SPATC1: variants seen among roughly 807,000 people sequenced by gnomAD.
The protein encoded by SPATC1 is spermatogenesis and centriole associated 1, also known as speriolin.
Under a neutral mutation model 36.5 loss-of-function variants are expected in SPATC1, and 35 were observed. The ratio of observed to expected loss-of-function variants is 0.96; its 90% CI spans 0.73 to 1.27. The LOEUF (loss-of-function observed/expected upper bound fraction) is 1.27. Among genes scored for constraint, SPATC1 ranks in the 50% most tolerant of loss-of-function variants. The probability of loss-of-function intolerance (pLI) is 0.00; values close to 1 mark genes in which losing one functional copy is unlikely to be tolerated. For synonymous variants in SPATC1, 361 were observed against 353.6 expected (o/e 1.02, Z -0.24); for missense variants, 779 against 796.0 (o/e 0.98, Z 0.26).
Position 144,046,882 on chromosome 8 carries a change from G to A in SPATC1, c.1702G>A (p.Ala568Thr), listed in dbSNP as rs1356913246. The A allele has an allele frequency of 6.3e-6, 10 of 1,599,858 alleles. No homozygotes were observed. Among genetic ancestry groups the A allele is most frequent in the Admixed American group, 1.7e-5 (1 of 59,978 alleles). The change falls in exon 5 of 5, where the codon GCC (alanine) becomes ACC (threonine). Residue 568 changes from alanine (A) to threonine (T), a missense_variant. Ala to Thr is a moderately conservative substitution (Grantham distance 58). Transcript: ENST00000377470. The surrounding 1 kb of genome is among the most constrained non-coding windows in gnomAD (Gnocchi z 6.6). ...GGAGACCGTGCACCCCGGCATGCTCGCCGACGCGCTGCTGCTGCTCTCCTG... is the reference window on the plus strand; with the variant it reads ...GGAGACCGTGCACCCCGGCATGCTCACCGACGCGCTGCTGCTGCTCTCCTG... ...VVETVHPGML[A>T]DALLLLSCLS...
chr8:144,024,433 A>G (rs1834631293), intron 1 of SPATC1, among the ~76,000 whole-genome samples: 1 of 125,018 alleles, frequency 8.0e-6, no homozygotes, highest in Non-Finnish European at 1.6e-5. Context: ...CTATTCCCTT[A>G]GGATCCTCTT....
At position 144,016,373 on chromosome 8, in the gene SPATC1, G is replaced by A. The variant is rs1467928312; in HGVS notation, c.211+3647G>A. On this transcript the variant is annotated intron_variant, in intron 1 of 4. Transcript: ENST00000377470. This position sits in a 1 kb window ranked among gnomAD's most constrained non-coding sequence, Gnocchi z 4.5. Reference sequence around the variant, plus strand: ...TGTGTGTGAGTTGCTGTGTGTGTGTGTGAATGTATGTGAGAGTGTATGTGG... The same window carrying A: ...TGTGTGTGAGTTGCTGTGTGTGTGTATGAATGTATGTGAGAGTGTATGTGG... Among the ~76,000 whole-genome samples the A allele has an allele frequency of 6.6e-6, 1 of 152,116 alleles. No individual in the cohort carries two copies. Among genetic ancestry groups the A allele is most frequent in the East Asian group, 1.9e-4 (1 of 5,196 alleles).
intron 1 of SPATC1, among the ~76,000 whole-genome samples, chr8:144,028,372 C>A (rs964791636): frequency 2.1e-4 from 31 of 150,728 alleles, no homozygotes; most frequent in Middle Eastern, 3.4e-3. Flanking sequence ...AAAAAAAAAA[C>A]CCATTAAAAA....
In SPATC1 at chr8:144,026,641, C is replaced by T. The variant is rs1016011158; in HGVS notation, c.212-13268C>T. On this transcript the variant is annotated intron_variant, in intron 1 of 4. Transcript: ENST00000377470. The stretch of plus-strand genomic sequence containing the variant: ...TCATCTGATGTTTTAAAATCATAAC[C>T]ATCCTAGTGGGTGTGAAGTGATATT... Among the ~76,000 whole-genome samples the T allele has an allele frequency of 6.0e-4, 91 of 152,268 alleles. No individual in the cohort carries two copies. The Middle Eastern group carries it at 0.014, about 23-fold the overall frequency.
At chr8:144,013,908 A>T (rs1161887166) in intron 1 of SPATC1, among the ~76,000 whole-genome samples, 2 of 152,056 alleles carry the variant, frequency 1.3e-5, no homozygotes, top group Non-Finnish European at 2.9e-5. Context: ...GTGAGCCAAG[A>T]TCACACCACT....
intron 1 of SPATC1, among the ~76,000 whole-genome samples, chr8:144,035,101 CA>C (rs1302461128): frequency 0.16 from 24,845 of 152,068 alleles, 3,793 homozygotes; most frequent in African/African-American, 0.4. Context: ...TTTGTTGTGC[CA>C]AGGTTTTATC....
chr8:144,019,063 A>G (rs916715944), intron 1 of SPATC1, among the ~76,000 whole-genome samples: 3 of 147,260 alleles, frequency 2.0e-5, no homozygotes, highest in African/African-American at 7.6e-5. Context: ...AAAAAAAAAA[A>G]GGGACGGGGA....
intron 1 of SPATC1, among the ~76,000 whole-genome samples, chr8:144,028,156 C>A (rs1834723219): frequency 6.6e-6 from 1 of 152,118 alleles, no homozygotes; most frequent in Admixed American, 6.6e-5. Flanking sequence ...CAAAAGATTT[C>A]ATGACAGAAA....
intron 1 of SPATC1, among the ~76,000 whole-genome samples, chr8:144,037,463 C>T (rs1013556336): frequency 2.0e-5 from 3 of 152,052 alleles, no homozygotes; most frequent in African/African-American, 2.4e-5. Context: ...TTTCATTTTG[C>T]CTGTACTAAG....
At chr8:144,019,069 G>C (rs1834451824) in intron 1 of SPATC1, among the ~76,000 whole-genome samples, 2 of 150,656 alleles carry the variant, frequency 1.3e-5, no homozygotes, top group African/African-American at 2.4e-5. Context: ...AAAAAGGGAC[G>C]GGGAAGGAAC....
chr8:144,036,513 G>T (rs1453834229), intron 1 of SPATC1, among the ~76,000 whole-genome samples: 1 of 151,978 alleles, frequency 6.6e-6, no homozygotes, highest in African/African-American at 2.4e-5. Context: ...TTGTAGAGAC[G>T]GAGTTTCACC....
intron 1 of SPATC1, among the ~76,000 whole-genome samples, chr8:144,022,731 C>T (rs1330356119): frequency 1.3e-5 from 2 of 151,096 alleles, no homozygotes; most frequent in African/African-American, 4.9e-5. Context: ...GAAACTCTCC[C>T]CTCAGGACCC....
At chr8:144,037,216 G>A (rs1834924033) in intron 1 of SPATC1, among the ~76,000 whole-genome samples, 1 of 141,202 alleles carries the variant, frequency 7.1e-6, no homozygotes, top group Non-Finnish European at 1.5e-5. Context: ...CCCCCGCCCA[G>A]CCGGCCGCCC....
chr8:144,041,048 T>C lies in SPATC1; in HGVS notation c.1247T>C (p.Met416Thr), dbSNP rs554976085. 6.8e-6 allele frequency: 11 copies of C among 1,607,212 alleles called. No homozygotes were observed. In the South Asian group the frequency reaches 1.0e-4, roughly 15 times the overall value. Residue 416 changes from methionine to threonine, a missense_variant, in exon 3 of 5, where the codon ATG (methionine) becomes ACG (threonine). Coordinates refer to ENST00000377470, the MANE Select transcript of SPATC1 (RefSeq NM_198572.3). ...ACAGAACCGTCGACGAAGAGCATGA[T>C]GGAGGTGGAACGGAAGCTGGCCCAC... Reference protein sequence around the residue: ...RTTEPSTKSMMEVERKLAHRK... With the variant: ...RTTEPSTKSMTEVERKLAHRK...
At chr8:144,017,356 G>C (rs1320273896) in intron 1 of SPATC1, among the ~76,000 whole-genome samples, 1 of 152,046 alleles carries the variant, frequency 6.6e-6, no homozygotes, top group Non-Finnish European at 1.5e-5. Flanking sequence ...TCAGGCCTTC[G>C]ATTCCTCTTT....
In SPATC1 at chr8:144,017,118, C is replaced by T. The variant is rs540900158; in HGVS notation, c.211+4392C>T. Reference sequence around the variant, plus strand: ...CATAAGCCACAGGTAGAGAGAAATCCATTCACGTTATTTAATAAGAAAACA... The same window carrying T: ...CATAAGCCACAGGTAGAGAGAAATCTATTCACGTTATTTAATAAGAAAACA... On this transcript the variant is annotated intron_variant, in intron 1 of 4. Transcript: ENST00000377470. 5.8e-4 allele frequency among the ~76,000 whole-genome samples: 88 copies of T among 152,240 alleles called. 2 individuals carry two copies. The highest frequency in any genetic ancestry group is 1.8e-3 in the African/African-American group (74 of 41,530).
At position 144,046,791 on chromosome 8, in the gene SPATC1, G is replaced by A. The variant is rs562024355; in HGVS notation, c.1611G>A (p.Glu537=). Residue 537 remains glutamate, a synonymous_variant, in exon 5 of 5, where the codon GAG becomes GAA. Transcript: ENST00000377470. This position sits in a 1 kb window ranked among gnomAD's most constrained non-coding sequence, Gnocchi z 6.6. The part of the protein sequence containing the change: ...QLVNAYGILR[E]RPELAASEGG... ...TGAACGCTTATGGCATCCTGCGAGA[G>A]CGCCCGGAGCTGGCGGCGTCTGAGG... The A allele has an allele frequency of 1.9e-5, 30 of 1,608,612 alleles. No individual in the cohort carries two copies. In the South Asian group the frequency reaches 3.0e-4, roughly 16 times the overall value.
chr8:144,041,898 C>T (rs561502116), intron 4 of SPATC1: 412 of 966,004 alleles, frequency 4.3e-4, no homozygotes, highest in Middle Eastern at 5.3e-4. Flanking sequence ...CTGTGAGCTG[C>T]GTGGGTCCAG....
At chr8:144,041,435 C>T in intron 4 of SPATC1, 64 bp downstream of exon 4, 2 of 1,575,298 alleles carry the variant, frequency 1.3e-6, no homozygotes, top group Non-Finnish European at 8.6e-7. Flanking sequence ...CGTGGGGACC[C>T]TGCACTCTGG....
Sources: gnomAD v4.1 joint callset for allele counts (sites outside exome capture counted in the v4.1 genomes callset) on GRCh38, gnomAD v4.1.1 for gene constraint, Gnocchi (gnomAD v3.1) non-coding constraint, MANE v1.5 for transcripts, NCBI Gene and HGNC (gene_info 2026-07-23, HGNC 2026-07-21) for gene names.